The following RAC1 variants were observed in gnomAD, a reference collection of about 807,000 sequenced individuals.
The protein encoded by RAC1 is Rac family small GTPase 1.
RAC1 carries 2 observed loss-of-function variants against 25.2 expected under a neutral mutation model. The ratio of observed to expected loss-of-function variants is 0.08; its 90% confidence interval spans 0.03 to 0.25. The LOEUF (loss-of-function observed/expected upper bound fraction) is 0.25, where lower values mean the gene tolerates loss of function less well. Ranked by LOEUF, RAC1 falls within the 10% of genes least tolerant of loss-of-function variation. The probability of loss-of-function intolerance (pLI) is 1.00; values close to 1 mark genes in which losing one functional copy is unlikely to be tolerated. For synonymous variants in RAC1, 88 were observed against 94.0 expected (o/e 0.94, Z 0.37); for missense variants, 50 against 235.7 (o/e 0.21, Z 5.16).
chr7:6,402,531 A>AAAC lies in RAC1; in HGVS notation c.*87_*88insCAA. On this transcript the variant is annotated 3_prime_UTR_variant, in exon 6 of 6. Coordinates refer to ENST00000348035, the MANE Select transcript of RAC1 (RefSeq NM_006908.5). The stretch of plus-strand genomic sequence containing the variant: ...AAAAAACAAAAAAAAAAAACAAAAA[A>AAAC]AAAAAACAACGGTGGAGCCTTCGCA... The AAAC allele has an allele frequency of 8.6e-7, 1 of 1,167,764 alleles. No individual in the cohort carries two copies. Among genetic ancestry groups the AAAC allele is most frequent in the Non-Finnish European group, 1.1e-6 (1 of 917,308 alleles). 72.3% of individuals were successfully genotyped at this position (1,167,764 alleles called of 1,614,324 possible). A position where few individuals can be genotyped will look rare whatever the true frequency, so the allele number is the denominator to read the frequency against.
intron 4 of RAC1, 29 bp from the exon 5 acceptor site, chr7:6,401,839 C>T (rs1388201405): frequency 3.1e-6 from 5 of 1,597,420 alleles, no homozygotes; most frequent in Non-Finnish European, 4.3e-6. Flanking sequence ...AGGAGCGTGT[C>T]ACAACCTCTG....
intron 4 of RAC1, among the ~76,000 whole-genome samples, chr7:6,400,392 A>AC (rs1783363516): frequency 6.6e-6 from 1 of 151,580 alleles, no homozygotes; most frequent in South Asian, 2.1e-4. Flanking sequence ...TGTAGTGGTG[A>AC]CATCAGAGCT....
At position 6,375,309 on chromosome 7, in the gene RAC1, C is replaced by A. The variant is rs192853370; in HGVS notation, c.35+539C>A. Among the ~76,000 whole-genome samples the A allele has an allele frequency of 2.3e-3, 350 of 152,044 alleles. 15 individuals are homozygous for A. In the East Asian group the frequency reaches 0.054, roughly 24 times the overall value. On this transcript the variant is annotated intron_variant, in intron 1 of 5. Coordinates refer to ENST00000348035, the MANE Select transcript of RAC1 (RefSeq NM_006908.5). ...CTCGCTGTGTTGCCCAGGCCGGTCTCGAACTCCTGGGTTCAAGCAATCCTC... is the reference window on the plus strand; with the variant it reads ...CTCGCTGTGTTGCCCAGGCCGGTCTAGAACTCCTGGGTTCAAGCAATCCTC...
In RAC1 at chr7:6,402,302, C is replaced by G. The variant is rs367763191; in HGVS notation, c.449-14C>G. ...GGTCGAGTGTACATTGCCGTGTGGT[C>G]GTGTTTCCTGTAGGTGCTGTAAAAT... On this transcript the variant is annotated splice_polypyrimidine_tract_variant and intron_variant, in intron 5 of 5. Transcript: ENST00000348035. 6.3e-7 allele frequency: 1 copy of G among 1,597,240 alleles called. No individual in the cohort carries two copies. Among genetic ancestry groups the G allele is most frequent in the Non-Finnish European group, 8.5e-7 (1 of 1,171,888 alleles).
chr7:6,388,009 C>T (rs1782970206), intron 2 of RAC1, among the ~76,000 whole-genome samples: 1 of 152,144 alleles, frequency 6.6e-6, no homozygotes, highest in Non-Finnish European at 1.5e-5. Context: ...CAGTTGGTTA[C>T]ATGTCCGCAT....
intron 3 of RAC1, among the ~76,000 whole-genome samples, chr7:6,392,368 A>G (rs1279794006): frequency 3.9e-5 from 6 of 152,196 alleles, no homozygotes; most frequent in Non-Finnish European, 8.8e-5. Flanking sequence ...GCTGTGTGAC[A>G]TTTTTGTACC....
chr7:6,375,706 C>CA (rs890857119), intron 1 of RAC1, among the ~76,000 whole-genome samples: 1 of 150,380 alleles, frequency 6.6e-6, no homozygotes, highest in Non-Finnish European at 1.5e-5. Context: ...TGGTCATTGA[C>CA]AAAAAAACTG....
At chr7:6,383,420 A>G (rs534883474) in intron 1 of RAC1, among the ~76,000 whole-genome samples, 22 of 118,816 alleles carry the variant, frequency 1.9e-4, no homozygotes, top group South Asian at 5.8e-4. Flanking sequence ...CTAAGCTTAA[A>G]TATAAGGTTG....
chr7:6,395,989 G>A (rs1418132388), intron 3 of RAC1, among the ~76,000 whole-genome samples: 4 of 152,232 alleles, frequency 2.6e-5, no homozygotes, highest in African/African-American at 9.6e-5. Flanking sequence ...CAGTGGGCAG[G>A]AGGCTGTGGG....
rs147936420 is a variant in RAC1, at chr7:6,379,399, C to T, written c.35+4629C>T. Among the ~76,000 whole-genome samples, 933 of 150,642 alleles carry T rather than the reference C, an allele frequency of 6.2e-3. 9 individuals carry two copies. Among genetic ancestry groups the T allele is most frequent in the Non-Finnish European group, 9.1e-3 (620 of 67,824 alleles). ...AAGCGATTCTCCTGCCTCAGCTTGTCGAGTAGGTGGGATTACAGTCACGCT... is the reference window on the plus strand; with the variant it reads ...AAGCGATTCTCCTGCCTCAGCTTGTTGAGTAGGTGGGATTACAGTCACGCT... On this transcript the variant is annotated intron_variant, in intron 1 of 5. Coordinates refer to ENST00000348035, the MANE Select transcript of RAC1 (RefSeq NM_006908.5).
At chr7:6,398,606 A>ATT in intron 3 of RAC1, 1 of 1,475,162 alleles carries the variant, frequency 6.8e-7, no homozygotes, top group Non-Finnish European at 9.4e-7. Context: ...GGTTATATTG[A>ATT]TTTTTGTTGT....
intron 2 of RAC1, among the ~76,000 whole-genome samples, chr7:6,390,097 T>C (rs556457221): frequency 4.9e-3 from 130 of 26,704 alleles, no homozygotes; most frequent in Non-Finnish European, 5.1e-3. Flanking sequence ...CCTCCCTCCC[T>C]TTTTTTTTTT....
intron 1 of RAC1, among the ~76,000 whole-genome samples, chr7:6,379,656 C>T (rs113085807): frequency 3.5e-4 from 53 of 152,332 alleles, no homozygotes; most frequent in African/African-American, 1.2e-3. Context: ...GCGATCTGCC[C>T]GCCTTGGCCT....
chr7:6,384,666 T>A (rs1782871742), intron 1 of RAC1, among the ~76,000 whole-genome samples: 1 of 152,098 alleles, frequency 6.6e-6, no homozygotes, highest in Admixed American at 6.5e-5. Flanking sequence ...AAACAAGGTC[T>A]CCCTATGTTG....
chr7:6,400,972 G>A (rs747264825), intron 4 of RAC1, among the ~76,000 whole-genome samples: 30 of 152,034 alleles, frequency 2.0e-4, no homozygotes, highest in Non-Finnish European at 4.3e-4. Flanking sequence ...ACCGTGCCCG[G>A]CTGAGACAGA....
Position 6,397,245 on chromosome 7 carries a change from AAAAAAAAG to A in RAC1, c.226-2873_226-2866del, listed in dbSNP as rs1333342882. 4.4e-3 allele frequency among the ~76,000 whole-genome samples: 472 copies of A among 107,862 alleles called. 4 individuals carry two copies. The highest frequency in any genetic ancestry group is 8.9e-3 in the Middle Eastern group (2 of 224). The allele number at this position is 107,862 out of a possible 152,430, so 70.8% of individuals were successfully genotyped here. ...GACAGAGCGAGACTCTGTCTCAAAA[AAAAAAAAG>A]AAAAAAAAGAAAAAAAGAAAAGCTT... On this transcript the variant is annotated intron_variant, in intron 3 of 5. Coordinates refer to ENST00000348035, the MANE Select transcript of RAC1 (RefSeq NM_006908.5).
Position 6,394,772 on chromosome 7 carries a change from C to T in RAC1, c.225+2731C>T, listed in dbSNP as rs1009646378. Among the ~76,000 whole-genome samples, 11 of 152,132 alleles carry T rather than the reference C, an allele frequency of 7.2e-5. 1 individual carries two copies. Among genetic ancestry groups the T allele is most frequent in the Admixed American group, 3.9e-4 (6 of 15,272 alleles). On this transcript the variant is annotated intron_variant, in intron 3 of 5. Transcript: ENST00000348035. ...CTTGGCTCACTGCAACCTCCGCTTC[C>T]CAGGTTCAAGTGACTTTCCCGCCCT...
chr7:6,402,812 A>C lies in RAC1; in HGVS notation c.*366A>C. ...TTGTGCCGAGAACACCGAGCACTGA[A>C]CTTTGCAAAGACCTTCGTCTTTGAG... is the stretch of plus-strand genomic sequence containing the variant. On this transcript the variant is annotated 3_prime_UTR_variant, in exon 6 of 6. Transcript: ENST00000348035. 1 of 208,752 alleles carries C rather than the reference A, an allele frequency of 4.8e-6. No individual in the cohort carries two copies. Among genetic ancestry groups the C allele is most frequent in the Non-Finnish European group, 9.8e-6 (1 of 102,322 alleles). 12.9% of individuals were successfully genotyped at this position (208,752 alleles called of 1,614,324 possible).
chr7:6,375,683 A>G (rs2115178769), intron 1 of RAC1, among the ~76,000 whole-genome samples: 1 of 148,512 alleles, frequency 6.7e-6, no homozygotes, highest in African/African-American at 2.5e-5. Context: ...TTTTTTTTTT[A>G]AACAACGTGG....
Sources: allele counts gnomAD v4.1 joint callset (sites outside exome capture counted in the v4.1 genomes callset), GRCh38; gene constraint gnomAD v4.1.1; transcripts MANE v1.5; gene names NCBI Gene and HGNC (gene_info 2026-07-23, HGNC 2026-07-21).